DCAF1: variants seen among roughly 807,000 people sequenced by gnomAD.
DCAF1 encodes DDB1 and CUL4 associated factor 1.
A neutral mutation model predicts 128.0 loss-of-function variants in DCAF1; 15 were observed. That is an observed-to-expected ratio of 0.12 (90% CI 0.08 to 0.18). DCAF1 has a LOEUF of 0.18. Among genes scored for constraint, DCAF1 ranks in the 10% least tolerant of loss-of-function variants. The probability of loss-of-function intolerance (pLI) is 1.00; values close to 1 mark genes in which losing one functional copy is unlikely to be tolerated. For synonymous variants in DCAF1, 610 were observed against 603.0 expected, an observed-to-expected ratio of 1.01 and a Z score of -0.17; for missense variants, 988 against 1,649.5, an observed-to-expected ratio of 0.60 and a Z score of 6.95.
intron 2 of DCAF1, among the ~76,000 whole-genome samples, chr3:51,484,055 C>T (rs1289677384): frequency 1.3e-5 from 2 of 152,118 alleles, no homozygotes; most frequent in Non-Finnish European, 1.5e-5. Context: ...AGTACTTTCG[C>T]CTTTCTCAGC....
At chr3:51,443,156 A>G (rs1553639353) in intron 7 of DCAF1, among the ~76,000 whole-genome samples, 1 of 152,218 alleles carries the variant, frequency 6.6e-6, no homozygotes, top group Non-Finnish European at 1.5e-5. Flanking sequence ...GGTGATGTAT[A>G]TATGTAGTTG....
At chr3:51,446,378 C>A (rs1212678405) in intron 6 of DCAF1, among the ~76,000 whole-genome samples, 6 of 152,068 alleles carry the variant, frequency 3.9e-5, no homozygotes, top group African/African-American at 1.4e-4. Flanking sequence ...TTTGGGAGAC[C>A]AATGCAGGAG....
In DCAF1 at chr3:51,483,869, A is replaced by G. The variant is rs990364728; in HGVS notation, c.-8-33T>C. The G allele has an allele frequency of 2.1e-6, 3 of 1,437,260 alleles. No individual in the cohort carries two copies. The African/African-American group carries it at 4.2e-5, about 20-fold the overall frequency. 89.0% of individuals were successfully genotyped at this position (1,437,260 alleles called of 1,614,324 possible). On this transcript the variant is annotated intron_variant, in intron 2 of 24. Transcript: ENST00000684031. ...AGCAAAAATAAAAATAAAAAAGACA[A>G]CCAATAAATGAACACAAGCAAATAA...
rs2089418398 is a variant in DCAF1, at chr3:51,398,833, A to G, written c.4466-6T>C. 1.9e-6 allele frequency: 3 copies of G among 1,578,266 alleles called. No individual in the cohort carries two copies. The highest frequency in any genetic ancestry group is 4.6e-5 in the East Asian group (2 of 43,646). On this transcript the variant is annotated splice_region_variant and splice_polypyrimidine_tract_variant and intron_variant, in intron 24 of 24. Coordinates refer to ENST00000684031, the MANE Select transcript of DCAF1 (RefSeq NM_001387579.1). ...AGAGTTGTCAGAGCTGTCAGCTGAA[A>G]GGGAAGAAAAGGGAGAGACAAGATT...
intron 14 of DCAF1, among the ~76,000 whole-genome samples, chr3:51,421,648 C>A (rs1553632514): frequency 6.6e-6 from 1 of 152,178 alleles, no homozygotes; most frequent in Non-Finnish European, 1.5e-5. Context: ...ACCCTTTCCA[C>A]TCTATTTTAA....
chr3:51,437,210 C>T (rs1700915230), intron 9 of DCAF1, among the ~76,000 whole-genome samples: 1 of 128,344 alleles, frequency 7.8e-6, no homozygotes, highest in Admixed American at 1.0e-4. Flanking sequence ...TAGCGGTGAG[C>T]AAACATAGCA....
intron 6 of DCAF1, among the ~76,000 whole-genome samples, 182 bp from the exon 7 acceptor site, chr3:51,444,085 C>G (rs1036990098): frequency 1.3e-5 from 2 of 152,046 alleles, no homozygotes; most frequent in Admixed American, 1.3e-4. Context: ...GCAATAGAAG[C>G]CTATTCAGCC....
chr3:51,423,942 T>A (rs1699670164), intron 13 of DCAF1, among the ~76,000 whole-genome samples: 1 of 152,004 alleles, frequency 6.6e-6, no homozygotes, highest in African/African-American at 2.4e-5. Context: ...ACCATATGTG[T>A]TAGAGTATAG....
chr3:51,462,356 T>A lies in DCAF1; in HGVS notation c.375+758A>T, dbSNP rs546054238. 2.9e-3 allele frequency among the ~76,000 whole-genome samples: 435 copies of A among 152,126 alleles called. 3 individuals carry two copies. Among genetic ancestry groups the A allele is most frequent in the African/African-American group, 9.9e-3 (413 of 41,508 alleles). On this transcript the variant is annotated intron_variant, in intron 6 of 24. Coordinates refer to ENST00000684031, the MANE Select transcript of DCAF1 (RefSeq NM_001387579.1). Reference sequence around the variant, plus strand: ...AGAATTGCTTGAACCCAGGAGGAAGTTGCAGTGAGCTGAGACTGCACCACT... The same window carrying A: ...AGAATTGCTTGAACCCAGGAGGAAGATGCAGTGAGCTGAGACTGCACCACT...
At chr3:51,500,351 G>A (rs1708734979), upstream of DCAF1, among the ~76,000 whole-genome samples, 1 of 152,056 alleles carries the variant, frequency 6.6e-6, no homozygotes, top group Admixed American at 6.6e-5. Context: ...ATCCTTCTAA[G>A]ACAGTACTGT....
At chr3:51,450,877 A>G (rs1471812201) in intron 6 of DCAF1, among the ~76,000 whole-genome samples, 2 of 152,076 alleles carry the variant, frequency 1.3e-5, no homozygotes, top group African/African-American at 4.8e-5. Context: ...AATCCAGATT[A>G]GAGAGTAAGA....
intron 13 of DCAF1, among the ~76,000 whole-genome samples, chr3:51,424,617 C>A (rs940453223): frequency 3.3e-5 from 5 of 152,022 alleles, no homozygotes; most frequent in Admixed American, 6.6e-5. Context: ...GCCAAAAAAA[C>A]CAAACAAAAA....
At chr3:51,483,155 G>GCCAGGCTCAGTGGC (rs1706457211) in intron 3 of DCAF1, among the ~76,000 whole-genome samples, 4 of 65,070 alleles carry the variant, frequency 6.1e-5, no homozygotes, top group Non-Finnish European at 1.4e-4. Flanking sequence ...AAAAAAAAAA[G>GCCAGGCTCAGTGGC]CCAGGCTCAG....
chr3:51,448,944 T>A (rs1232109459), intron 6 of DCAF1, among the ~76,000 whole-genome samples: 1 of 151,906 alleles, frequency 6.6e-6, no homozygotes, highest in Non-Finnish European at 1.5e-5. Context: ...GTAAACCATA[T>A]GTTAGGCCAC....
chr3:51,448,639 T>C (rs782157285), intron 6 of DCAF1, among the ~76,000 whole-genome samples: 1 of 152,232 alleles, frequency 6.6e-6, no homozygotes, highest in Non-Finnish European at 1.5e-5. Context: ...TTTTAAAGAG[T>C]ATAATTCAGT....
In DCAF1 at chr3:51,444,571, C is replaced by T. The variant is rs901434603; in HGVS notation, c.376-668G>A. Among the ~76,000 whole-genome samples, 8 of 152,108 alleles carry T rather than the reference C, an allele frequency of 5.3e-5. No individual in the cohort carries two copies. The East Asian group carries it at 1.4e-3, about 26-fold the overall frequency. ...TTCGCTATGTTGGCCAGGCTGGTCT[C>T]GAACTCTTGACTTCAAGTGATCCGC... On this transcript the variant is annotated intron_variant, in intron 6 of 24. Transcript: ENST00000684031.
At chr3:51,454,994 T>A (rs1450850751) in intron 6 of DCAF1, among the ~76,000 whole-genome samples, 1 of 152,172 alleles carries the variant, frequency 6.6e-6, no homozygotes, top group Non-Finnish European at 1.5e-5. Flanking sequence ...TAATTTTTGA[T>A]AGTTGAAGCA....
At chr3:51,450,531 A>G (rs1363795685) in intron 6 of DCAF1, among the ~76,000 whole-genome samples, 1 of 152,218 alleles carries the variant, frequency 6.6e-6, no homozygotes, top group East Asian at 1.9e-4. Context: ...AAAAAACAAT[A>G]AACTAGATTC....
intron 23 of DCAF1, among the ~76,000 whole-genome samples, chr3:51,410,588 T>C (rs1463594068): frequency 6.6e-6 from 1 of 152,198 alleles, no homozygotes; most frequent in African/African-American, 2.4e-5. Flanking sequence ...TGCCCTAGTA[T>C]TAGACTTACA....
Sources: gnomAD v4.1 joint callset for allele counts (sites outside exome capture counted in the v4.1 genomes callset) on GRCh38, gnomAD v4.1.1 for gene constraint, MANE v1.5 for transcripts, NCBI Gene and HGNC (gene_info 2026-07-23, HGNC 2026-07-21) for gene names.